The following TTC5 variants were observed in gnomAD, a reference collection of about 807,000 sequenced individuals.
TTC5 encodes the protein tetratricopeptide repeat protein 5.
In TTC5, 46 loss-of-function variants were observed where a neutral mutation model predicts 57.4. The ratio of observed to expected loss-of-function variants is 0.80; its 90% CI spans 0.63 to 1.03. The LOEUF is 1.03. Ranked by LOEUF, TTC5 falls within the 50% of genes least tolerant of loss-of-function variation. TTC5 has a pLI of 0.00. For missense variants in TTC5, 504 were observed against 528.1 expected, an observed-to-expected ratio of 0.95 and a Z score of 0.45; for synonymous variants, 190 against 203.5, an observed-to-expected ratio of 0.93 and a Z score of 0.57.
rs1473213514 is a variant in TTC5, at chr14:20,295,413, C to T, written c.957G>A (p.Leu319=). 1.2e-6 allele frequency: 2 copies of T among 1,614,060 alleles called. No homozygotes were observed. Among genetic ancestry groups the T allele is most frequent in the African/African-American group, 1.3e-5 (1 of 74,910 alleles). The change falls in exon 8 of 10, where the codon CTG becomes CTA. Residue 319 remains leucine, a synonymous_variant. Coordinates refer to ENST00000258821, the MANE Select transcript of TTC5 (RefSeq NM_138376.3). The part of the protein sequence containing the change: ...YQSASGQKVT[L]ELKPLSTLQP... ...GAAGCGTACTCAGTGGCTTGAGCTC[C>T]AGGGTCACTTTCTGCCCAGAGGCTG...
intron 1 of TTC5, 42 bp from the exon 2 acceptor site, chr14:20,302,007 T>C (rs773235240): frequency 6.2e-7 from 1 of 1,609,544 alleles, no homozygotes; most frequent in East Asian, 2.2e-5. Flanking sequence ...GAAAGATCAC[T>C]GGATAGGGAA....
At chr14:20,293,024 A>C (rs1288249583) in intron 8 of TTC5, 2 of 152,346 alleles carry the variant, frequency 1.3e-5, no homozygotes, top group East Asian at 1.9e-4. Flanking sequence ...AAAGCTATGA[A>C]ATGTACGCTT....
At position 20,295,031 on chromosome 14, in the gene TTC5, A is replaced by C. The variant is rs182842319; in HGVS notation, c.1058+281T>G. 255 of 349,524 alleles carry C rather than the reference A, an allele frequency of 7.3e-4. 3 individuals carry two copies. Among genetic ancestry groups the C allele is most frequent in the Non-Finnish European group, 5.3e-5 (10 of 186,970 alleles). The allele number at this position is 349,524 out of a possible 1,614,324, so 21.7% of individuals were successfully genotyped here. On this transcript the variant is annotated intron_variant, in intron 8 of 9. Coordinates refer to ENST00000258821, the MANE Select transcript of TTC5 (RefSeq NM_138376.3). ...AAGAATTTTGAGGTTTCTGTCTTAT[A>C]AAAAAATATGTCCTGCCAAATTTCA...
intron 9 of TTC5, among the ~76,000 whole-genome samples, chr14:20,291,057 G>A (rs1355895700): frequency 5.2e-5 from 7 of 134,610 alleles, no homozygotes; most frequent in Non-Finnish European, 1.1e-4. Context: ...CCACACTCTT[G>A]TTTTTCTTTT....
At chr14:20,298,328 G>A (rs1347908070) in intron 5 of TTC5, among the ~76,000 whole-genome samples, 1 of 152,124 alleles carries the variant, frequency 6.6e-6, no homozygotes, top group East Asian at 1.9e-4. Context: ...CACAGAACAA[G>A]CTACACATTG....
In TTC5 at chr14:20,295,805, C is replaced by T. The variant is rs760183925; in HGVS notation, c.746G>A (p.Arg249Gln). 2.5e-6 allele frequency: 4 copies of T among 1,606,368 alleles called. No homozygotes were observed. The highest frequency in any genetic ancestry group is 3.5e-5 in the Admixed American group (2 of 57,246). ...CCAGGCAGGGTCCAGGGCTGCAGCCCGAGAGAAGCCCTCCAGGGCCTCCCC... is the reference window on the plus strand; with the variant it reads ...CCAGGCAGGGTCCAGGGCTGCAGCCTGAGAGAAGCCCTCCAGGGCCTCCCC... ...SYGEALEGFSRAAALDPAWPE... is the reference protein window; with the variant it reads ...SYGEALEGFSQAAALDPAWPE... The change falls in exon 7 of 10, where the codon CGG (arginine) becomes CAG (glutamine). Residue 249 changes from arginine to glutamine, a missense_variant. Coordinates refer to ENST00000258821, the MANE Select transcript of TTC5 (RefSeq NM_138376.3).
Position 20,292,100 on chromosome 14 carries a change from T to G in TTC5, c.1086A>C (p.Gly362=). Residue 362 remains glycine (G), a synonymous_variant, in exon 9 of 10, where the codon GGA becomes GGC. Coordinates refer to ENST00000258821, the MANE Select transcript of TTC5 (RefSeq NM_138376.3). ...TGTACACCATCACTGCATAGCAAGG[T>G]CCATCTGAATCTACCAGGCCAAATG... The part of the protein sequence containing the change: ...PFTFGLVDSD[G]PCYAVMVYNI... The G allele has an allele frequency of 6.3e-7, 1 of 1,581,368 alleles. No homozygotes were observed. Among genetic ancestry groups the G allele is most frequent in the East Asian group, 2.3e-5 (1 of 43,332 alleles).
In TTC5 at chr14:20,287,518, T is replaced by C. The variant is rs554744241; in HGVS notation, c.*2109A>G. 1 of 152,338 alleles carries C rather than the reference T, an allele frequency of 6.6e-6. No individual in the cohort carries two copies. The highest frequency in any genetic ancestry group is 2.1e-4 in the South Asian group (1 of 4,826). 9.4% of individuals were successfully genotyped at this position (152,338 alleles called of 1,614,324 possible). ...ATAGCTGTGAAGACAAATGAGATCATGGAGAGGTATGCAAGGGCTTCCAAG... is the reference window on the plus strand; with the variant it reads ...ATAGCTGTGAAGACAAATGAGATCACGGAGAGGTATGCAAGGGCTTCCAAG... On this transcript the variant is annotated 3_prime_UTR_variant, in exon 10 of 10. Coordinates refer to ENST00000258821, the MANE Select transcript of TTC5 (RefSeq NM_138376.3).
At chr14:20,294,779 A>T (rs1882026396) in intron 8 of TTC5, 1 of 152,586 alleles carries the variant, frequency 6.6e-6, no homozygotes, top group Non-Finnish European at 1.5e-5. Context: ...CTGCTGCTAG[A>T]AGCACCTGCA....
chr14:20,286,745 A>T lies in TTC5; in HGVS notation c.*2882T>A, dbSNP rs1881846095. ...TCTGTTCAGCAAAAGACCCAATAGA[A>T]TAAAAAAAAAAACAGGATAAAACTG... On this transcript the variant is annotated 3_prime_UTR_variant, in exon 10 of 10. Coordinates refer to ENST00000258821, the MANE Select transcript of TTC5 (RefSeq NM_138376.3). 9.4e-6 allele frequency: 1 copy of T among 106,242 alleles called. No individual in the cohort carries two copies. Among genetic ancestry groups the T allele is most frequent in the Non-Finnish European group, 2.3e-5 (1 of 43,824 alleles). The allele number at this position is 106,242 out of a possible 1,614,324, so 6.6% of individuals were successfully genotyped here. A position where few individuals can be genotyped will look rare whatever the true frequency, so the allele number is the denominator to read the frequency against.
At chr14:20,300,549 AAC>A (rs1882167494) in intron 3 of TTC5, 56 bp downstream of exon 3, 1 of 1,478,640 alleles carries the variant, frequency 6.8e-7, no homozygotes, top group Admixed American at 2.0e-5. Flanking sequence ...AAACTCATAG[AAC>A]CAAAGAAATT....
Position 20,295,347 on chromosome 14 carries a change from C to T in TTC5, c.1023G>A (p.Val341=). The part of the protein sequence containing the change: ...VNSGAVILGK[V]VFSLTTEEKV... ...TCTCCTCTGTGGTGAGGCTAAATACCACCTTTCCCAGGATGACGGCACCGC... is the reference window on the plus strand; with the variant it reads ...TCTCCTCTGTGGTGAGGCTAAATACTACCTTTCCCAGGATGACGGCACCGC... The change falls in exon 8 of 10, where the codon GTG becomes GTA. Residue 341 remains valine (V), a synonymous_variant. Transcript: ENST00000258821. The T allele has an allele frequency of 6.2e-7, 1 of 1,614,118 alleles. No individual in the cohort carries two copies. Among genetic ancestry groups the T allele is most frequent in the Non-Finnish European group, 8.5e-7 (1 of 1,180,024 alleles).
At chr14:20,299,126 G>C (rs765797430) in intron 4 of TTC5, among the ~76,000 whole-genome samples, 172 bp downstream of exon 4, 1 of 152,172 alleles carries the variant, frequency 6.6e-6, no homozygotes, top group African/African-American at 2.4e-5. Context: ...TCAAAAGATC[G>C]AAGAGTTCCT....
At chr14:20,296,583 C>T in intron 5 of TTC5, 137 bp from the exon 6 acceptor site, 2 of 726,096 alleles carry the variant, frequency 2.8e-6, no homozygotes, top group Admixed American at 4.2e-5. Flanking sequence ...ACCACAGAAG[C>T]AGTTACCGTA....
intron 1 of TTC5, 101 bp from the exon 2 acceptor site, chr14:20,302,066 C>G: frequency 7.6e-7 from 1 of 1,313,006 alleles, no homozygotes; most frequent in East Asian, 2.4e-5. Flanking sequence ...AATACCAATT[C>G]TCTTTCTCAC....
intron 1 of TTC5, among the ~76,000 whole-genome samples, chr14:20,302,222 G>A (rs72671256): frequency 0.13 from 19,209 of 152,150 alleles, 1,268 homozygotes; most frequent in East Asian, 0.17. Context: ...TTCTCTCCCT[G>A]CCTCAGCAGG....
chr14:20,299,898 G>T (rs747912218), intron 3 of TTC5, among the ~76,000 whole-genome samples: 20 of 151,816 alleles, frequency 1.3e-4, no homozygotes, highest in Non-Finnish European at 2.8e-4. Flanking sequence ...GAGTGCAGAG[G>T]CACGATCTCA....
intron 2 of TTC5, 57 bp downstream of exon 2, chr14:20,301,776 A>ATTGATTC: frequency 1.2e-6 from 2 of 1,606,698 alleles, no homozygotes; most frequent in South Asian, 2.2e-5. Flanking sequence ...AGGAGGGAGC[A>ATTGATTC]AAGGTCAATC....
chr14:20,295,180 A>G, intron 8 of TTC5, 132 bp downstream of exon 8: 1 of 770,912 alleles, frequency 1.3e-6, no homozygotes, highest in East Asian at 2.7e-5. Context: ...TGCCCACGGG[A>G]TAGTCACAGA....
Sources: allele counts gnomAD v4.1 joint callset (sites outside exome capture counted in the v4.1 genomes callset), GRCh38; gene constraint gnomAD v4.1.1; transcripts MANE v1.5; gene names NCBI Gene and HGNC (gene_info 2026-07-23, HGNC 2026-07-21).